The following ADGRL3 variants were observed in gnomAD, a reference collection of about 807,000 sequenced individuals.
ADGRL3 encodes adhesion G protein-coupled receptor L3, also known as calcium-independent alpha-latrotoxin receptor 3.
A neutral mutation model predicts 153.5 loss-of-function variants in ADGRL3; 62 were observed. The observed-to-expected ratio is 0.40, with a 90% CI of 0.33 to 0.50. The LOEUF is 0.50. ADGRL3 is among the 20% of genes least tolerant of loss of function. The pLI, the probability that ADGRL3 is intolerant of heterozygous loss-of-function variation, is 0.47. For synonymous variants in ADGRL3, 710 were observed against 672.5 expected (o/e 1.06, Z -0.86); for missense variants, 1,641 against 1,859.4 (o/e 0.88, Z 2.16).
At chr4:61,918,910 T>A (rs1348323364) in intron 13 of ADGRL3, among the ~76,000 whole-genome samples, 2 of 152,332 alleles carry the variant, frequency 1.3e-5, no homozygotes, top group East Asian at 1.9e-4. Context: ...ATGCCAGTTT[T>A]ACTTGCGTGC....
Position 62,072,786 on chromosome 4 carries a change from T to C in ADGRL3, c.*1878T>C, listed in dbSNP as rs1478455463. On this transcript the variant is annotated 3_prime_UTR_variant, in exon 27 of 27. Transcript: ENST00000683033. ...CCAGATTCAATCAGAGATATAAATA[T>C]GAAATTTGGGGGCTGGGTGAGTCAT... 1 of 152,128 alleles carries C rather than the reference T, an allele frequency of 6.6e-6. No individual in the cohort carries two copies. Among genetic ancestry groups the C allele is most frequent in the Admixed American group, 6.5e-5 (1 of 15,276 alleles). The allele number at this position is 152,128 out of a possible 1,614,324, so 9.4% of individuals were successfully genotyped here.
intron 1 of ADGRL3, among the ~76,000 whole-genome samples, chr4:61,381,528 G>A (rs1325540343): frequency 6.6e-6 from 1 of 151,928 alleles, no homozygotes; most frequent in Non-Finnish European, 1.5e-5. Context: ...GGGAAGATAA[G>A]ATTGGTTTTA....
chr4:61,630,584 T>C lies in ADGRL3; in HGVS notation c.473+43144T>C, dbSNP rs76817024. 3.7e-3 allele frequency among the ~76,000 whole-genome samples: 557 copies of C among 152,344 alleles called. 6 individuals carry two copies. Among genetic ancestry groups the C allele is most frequent in the African/African-American group, 0.012 (499 of 41,588 alleles). On this transcript the variant is annotated intron_variant, in intron 5 of 26. Transcript: ENST00000683033. ...CTTTTTTTCACTCTTATTTTTGTCA[T>C]TGTTAAATGATTCTTACTGCTGAAG... is the stretch of plus-strand genomic sequence containing the variant.
chr4:61,255,926 C>T (rs1015271519), intron 1 of ADGRL3, among the ~76,000 whole-genome samples: 9 of 152,128 alleles, frequency 5.9e-5, no homozygotes, highest in Non-Finnish European at 1.3e-4. Context: ...TACTGTTCTC[C>T]TCTTTTGCAA....
At chr4:61,880,810 T>C (rs954868527) in intron 9 of ADGRL3, among the ~76,000 whole-genome samples, 17 of 152,182 alleles carry the variant, frequency 1.1e-4, no homozygotes, top group African/African-American at 4.1e-4. Flanking sequence ...CTCTTTCTTT[T>C]TCGTTATTTA....
intron 8 of ADGRL3, among the ~76,000 whole-genome samples, chr4:61,775,281 A>C (rs2097134254): frequency 1.3e-5 from 2 of 151,924 alleles, no homozygotes; most frequent in African/African-American, 4.8e-5. Context: ...TCAGTGGATG[A>C]ACAAGACTAT....
chr4:61,666,698 C>T (rs773146555), intron 5 of ADGRL3, among the ~76,000 whole-genome samples: 2 of 151,898 alleles, frequency 1.3e-5, no homozygotes, highest in Non-Finnish European at 2.9e-5. Flanking sequence ...ATATAAGGTG[C>T]GTATAACATA....
At chr4:61,971,296 A>T (rs977858820) in intron 17 of ADGRL3, among the ~76,000 whole-genome samples, 1 of 151,922 alleles carries the variant, frequency 6.6e-6, no homozygotes, top group East Asian at 1.9e-4. Context: ...TCCTAATGCT[A>T]TCCCTCCCCG....
intron 1 of ADGRL3, among the ~76,000 whole-genome samples, chr4:61,348,963 T>C (rs1283648126): frequency 6.6e-6 from 1 of 152,048 alleles, no homozygotes; most frequent in East Asian, 1.9e-4. Context: ...ACTATTATTT[T>C]AACTGAGTTT....
intron 3 of ADGRL3, among the ~76,000 whole-genome samples, chr4:61,504,297 C>A (rs2098412569): frequency 6.6e-6 from 1 of 152,172 alleles, no homozygotes; most frequent in South Asian, 2.1e-4. Context: ...ACCCAGCCCC[C>A]TTTTACTCAT....
At chr4:61,964,882 T>C (rs1000512505) in intron 17 of ADGRL3, among the ~76,000 whole-genome samples, 1 of 152,072 alleles carries the variant, frequency 6.6e-6, no homozygotes, top group African/African-American at 2.4e-5. Flanking sequence ...ATATTTTCAA[T>C]TGTGTATACT....
At chr4:61,483,381 G>A (rs981513893) in intron 2 of ADGRL3, among the ~76,000 whole-genome samples, 10 of 152,092 alleles carry the variant, frequency 6.6e-5, no homozygotes, top group Non-Finnish European at 1.5e-4. Flanking sequence ...TATATACATA[G>A]CAATTAAATA....
At chr4:61,905,049 T>C (rs1465626915) in intron 11 of ADGRL3, among the ~76,000 whole-genome samples, 2 of 152,160 alleles carry the variant, frequency 1.3e-5, no homozygotes, top group Non-Finnish European at 2.9e-5. Context: ...ATAGTAATTC[T>C]ACAAACATAT....
At chr4:61,548,522 T>C (rs1402248263) in intron 4 of ADGRL3, among the ~76,000 whole-genome samples, 1 of 152,134 alleles carries the variant, frequency 6.6e-6, no homozygotes, top group Non-Finnish European at 1.5e-5. Context: ...CCCAGCACCA[T>C]TTATTGAATA....
intron 25 of ADGRL3, among the ~76,000 whole-genome samples, chr4:62,052,633 C>G (rs888241104): frequency 1.3e-5 from 2 of 151,226 alleles, no homozygotes; most frequent in African/African-American, 4.8e-5. Flanking sequence ...TTCCTGGAAG[C>G]TTTCAAAGTA....
chr4:61,391,460 A>T (rs570595141), intron 2 of ADGRL3, among the ~76,000 whole-genome samples: 25 of 152,314 alleles, frequency 1.6e-4, no homozygotes, highest in African/African-American at 5.1e-4. Context: ...ATTAGGGATT[A>T]CATTTCAACA....
At chr4:61,851,538 C>T (rs1376712615) in intron 9 of ADGRL3, among the ~76,000 whole-genome samples, 1 of 136,730 alleles carries the variant, frequency 7.3e-6, no homozygotes, top group African/African-American at 2.8e-5. Flanking sequence ...GCAAGTGAGG[C>T]ATGATCATGC....
At chr4:61,456,461 ATAGATATATC>A (rs1351849710) in intron 2 of ADGRL3, among the ~76,000 whole-genome samples, 3 of 130,696 alleles carry the variant, frequency 2.3e-5, no homozygotes, top group African/African-American at 5.6e-5. Flanking sequence ...ATCTATATAT[ATAGATATATC>A]TATATCTATA....
chr4:61,249,166 A>G (rs1577975155), intron 1 of ADGRL3, among the ~76,000 whole-genome samples: 1 of 152,320 alleles, frequency 6.6e-6, no homozygotes, highest in Middle Eastern at 3.4e-3. Flanking sequence ...TAGAAATTAC[A>G]GTGAAGTGGA....
Sources: gnomAD v4.1 joint callset for allele counts (sites outside exome capture counted in the v4.1 genomes callset) on GRCh38, gnomAD v4.1.1 for gene constraint, MANE v1.5 for transcripts, NCBI Gene and HGNC (gene_info 2026-07-23, HGNC 2026-07-21) for gene names.